Variants in BLOC1S3 observed in about 807,000 individuals in gnomAD.
The protein encoded by BLOC1S3 is biogenesis of lysosome-related organelles complex 1 subunit 3.
Under a neutral mutation model 9.1 loss-of-function variants are expected in BLOC1S3, and 7 were observed. That is an observed-to-expected ratio of 0.77 (90% confidence interval 0.44 to 1.45). The LOEUF (loss-of-function observed/expected upper bound fraction) is 1.45, where lower values mean the gene tolerates loss of function less well. Among genes scored for constraint, BLOC1S3 ranks in the 40% most tolerant of loss-of-function variants. The pLI, the probability that BLOC1S3 is intolerant of heterozygous loss-of-function variation, is 0.01. For missense variants in BLOC1S3, 307 were observed against 315.2 expected (o/e 0.97, Z 0.20); for synonymous variants, 145 against 158.4 (o/e 0.92, Z 0.64).
chr19:45,214,283 C>T (rs927457022), intron 3 of BLOC1S3, among the ~76,000 whole-genome samples: 2 of 152,106 alleles, frequency 1.3e-5, no homozygotes, highest in Admixed American at 6.6e-5. Context: ...CCCGCTCATG[C>T]CTCACTCCTT....
rs1048308164 is a variant in BLOC1S3 at position 45,180,765 on chromosome 19, C to T, written c.*860C>T. 1 of 166,854 alleles carries T rather than the reference C, an allele frequency of 6.0e-6. No homozygotes were observed. The highest frequency in any genetic ancestry group is 2.1e-4 in the South Asian group (1 of 4,856). The allele number at this position is 166,854 out of a possible 1,614,324, so 10.3% of individuals were successfully genotyped here. A position where few individuals can be genotyped will look rare whatever the true frequency, so the allele number is the denominator to read the frequency against. On this transcript the variant is annotated 3_prime_UTR_variant, in exon 2 of 2. Coordinates refer to ENST00000433642, the MANE Select transcript of BLOC1S3 (RefSeq NM_212550.5). ...TTTTAGAGACAGGGTCTCACTGTGT[C>T]TCCCAGGCTGGAGTACAGTGGCGTG...
In BLOC1S3 at chr19:45,180,811, C is replaced by T. The variant is rs1441822460; in HGVS notation, c.*906C>T. ...GCGTGATCTCGGCTCACTGCCACCT[C>T]CACCTCCCGAGTTCAAGCGATTCTC... On this transcript the variant is annotated 3_prime_UTR_variant, in exon 2 of 2. Coordinates refer to ENST00000433642, the MANE Select transcript of BLOC1S3 (RefSeq NM_212550.5). 6.1e-6 allele frequency: 1 copy of T among 163,078 alleles called. No individual in the cohort carries two copies. The highest frequency in any genetic ancestry group is 1.5e-5 in the Non-Finnish European group (1 of 68,566). The allele number at this position is 163,078 out of a possible 1,614,324, so 10.1% of individuals were successfully genotyped here. A position where few individuals can be genotyped will look rare whatever the true frequency, so the allele number is the denominator to read the frequency against.
At chr19:45,204,734 ATT>A (rs60665260) in intron 3 of BLOC1S3, among the ~76,000 whole-genome samples, 4 of 147,240 alleles carry the variant, frequency 2.7e-5, no homozygotes, top group African/African-American at 9.9e-5. Flanking sequence ...GATATTCAGA[ATT>A]TTTTTTTTTT....
At chr19:45,193,130 CTCAAAAAAAAAA>C (rs1969619141) in intron 2 of BLOC1S3, among the ~76,000 whole-genome samples, 1 of 40,684 alleles carries the variant, frequency 2.5e-5, no homozygotes, top group Admixed American at 3.7e-4. Flanking sequence ...AAAACTCCGT[CTCAAAAAAAAAA>C]AAAAAAAAAA....
chr19:45,190,388 T>C (rs1969595638), intron 2 of BLOC1S3, among the ~76,000 whole-genome samples: 1 of 151,604 alleles, frequency 6.6e-6, no homozygotes, highest in Non-Finnish European at 1.5e-5. Flanking sequence ...CCCACCCATA[T>C]ATATAGTTTT....
chr19:45,181,965 G>A (rs564602731), downstream of BLOC1S3, among the ~76,000 whole-genome samples: 16 of 152,190 alleles, frequency 1.1e-4, no homozygotes, highest in East Asian at 3.9e-4. Context: ...GTATTTACTC[G>A]TATTTTATTA....
intron 3 of BLOC1S3, chr19:45,215,940 C>T: frequency 7.7e-7 from 1 of 1,298,676 alleles, no homozygotes; most frequent in Non-Finnish European, 1.0e-6. Flanking sequence ...GCCCTGGTTC[C>T]AGCAGGAAAC....
chr19:45,183,475 CAAAA>C (rs56825766), downstream of BLOC1S3, among the ~76,000 whole-genome samples: 3 of 130,248 alleles, frequency 2.3e-5, no homozygotes, highest in African/African-American at 8.4e-5. Context: ...GACTCTGTCT[CAAAA>C]AAAAAAAAAA....
chr19:45,209,910 T>C (rs2122940237), intron 3 of BLOC1S3, among the ~76,000 whole-genome samples: 1 of 151,620 alleles, frequency 6.6e-6, no homozygotes, highest in South Asian at 2.1e-4. Context: ...TTTTGTATTT[T>C]TAGTAAAGAT....
At chr19:45,206,622 A>T (rs1356826282) in intron 3 of BLOC1S3, among the ~76,000 whole-genome samples, 1 of 118,880 alleles carries the variant, frequency 8.4e-6, no homozygotes, top group Non-Finnish European at 1.6e-5. Flanking sequence ...CACCTAGTTA[A>T]ATTTTTTTTT....
chr19:45,180,080 C>G lies in BLOC1S3; in HGVS notation c.*175C>G, dbSNP rs1017701626. The G allele has an allele frequency of 2.9e-6, 2 of 686,688 alleles. No homozygotes were observed. Among genetic ancestry groups the G allele is most frequent in the African/African-American group, 3.9e-5 (2 of 51,880 alleles). The allele number at this position is 686,688 out of a possible 1,614,324, so 42.5% of individuals were successfully genotyped here. A position where few individuals can be genotyped will look rare whatever the true frequency, so the allele number is the denominator to read the frequency against. ...ATGCTTTATATTGGATATAGTTCAA[C>G]CCCTACTGCGGAGACCAGGGCCCCA... On this transcript the variant is annotated 3_prime_UTR_variant, in exon 2 of 2. Transcript: ENST00000433642.
rs1305165933 is a variant in BLOC1S3, at chr19:45,180,051, G to C, written c.*146G>C. 2.3e-6 allele frequency: 2 copies of C among 878,040 alleles called. No individual in the cohort carries two copies. The highest frequency in any genetic ancestry group is 6.0e-5 in the East Asian group (2 of 33,078). 54.4% of individuals were successfully genotyped at this position (878,040 alleles called of 1,614,324 possible). A position where few individuals can be genotyped will look rare whatever the true frequency, so the allele number is the denominator to read the frequency against. Reference sequence around the variant, plus strand: ...CATGGGGGCTAATCCGGTCCCCTTGGATAATGCTTTATATTGGATATAGTT... The same window carrying C: ...CATGGGGGCTAATCCGGTCCCCTTGCATAATGCTTTATATTGGATATAGTT... On this transcript the variant is annotated 3_prime_UTR_variant, in exon 2 of 2. Transcript: ENST00000433642.
chr19:45,179,166 C>A lies in BLOC1S3; in HGVS notation c.-9-122C>A. 4 of 1,145,192 alleles carry A rather than the reference C, an allele frequency of 3.5e-6. No individual in the cohort carries two copies. Among genetic ancestry groups the A allele is most frequent in the Non-Finnish European group, 4.6e-6 (4 of 864,898 alleles). 70.9% of individuals were successfully genotyped at this position (1,145,192 alleles called of 1,614,324 possible). ...ACAGAAGAGGAAACTGAGGCCCAGA[C>A]GGGGAGCAGCTGACACCAAGTCGTT... On this transcript the variant is annotated intron_variant, in intron 1 of 1. Coordinates refer to ENST00000433642, the MANE Select transcript of BLOC1S3 (RefSeq NM_212550.5). This position sits in a 1 kb window ranked among gnomAD's most constrained non-coding sequence, Gnocchi z 4.6.
At chr19:45,184,903 C>CAAACAAAAAAAAAAAAAAAAAAA (rs1334862577), downstream of BLOC1S3, among the ~76,000 whole-genome samples, 1 of 48,278 alleles carries the variant, frequency 2.1e-5, no homozygotes, top group African/African-American at 7.1e-5. Flanking sequence ...CTGTCTCAAA[C>CAAACAAAAAAAAAAAAAAAAAAA]AAAAAAAAAA....
chr19:45,214,745 G>A (rs960834937), intron 3 of BLOC1S3, among the ~76,000 whole-genome samples: 14 of 151,918 alleles, frequency 9.2e-5, no homozygotes, highest in African/African-American at 2.9e-4. Flanking sequence ...GATTACAAGC[G>A]TGAGCCACCA....
intron 3 of BLOC1S3, among the ~76,000 whole-genome samples, chr19:45,210,657 G>T (rs573393284): frequency 6.6e-6 from 1 of 150,732 alleles, no homozygotes; most frequent in African/African-American, 2.4e-5. Context: ...AGGCTACAAC[G>T]CAGAGGCACA....
At chr19:45,207,122 C>A (rs1307433821) in intron 3 of BLOC1S3, among the ~76,000 whole-genome samples, 1 of 151,412 alleles carries the variant, frequency 6.6e-6, no homozygotes, top group Non-Finnish European at 1.5e-5. Flanking sequence ...CAGGTGTAAG[C>A]CACCGCGCCC....
rs933010449 is a variant in BLOC1S3, at chr19:45,180,565, C to G, written c.*660C>G. On this transcript the variant is annotated 3_prime_UTR_variant, in exon 2 of 2. Coordinates refer to ENST00000433642, the MANE Select transcript of BLOC1S3 (RefSeq NM_212550.5). ...GAGCCACCACACACTGGGCTCTGCT[C>G]TGCCTTTCTGAGTTTGGTTTCTGCT... The G allele has an allele frequency of 1.2e-5, 2 of 166,672 alleles. No individual in the cohort carries two copies. Among genetic ancestry groups the G allele is most frequent in the Middle Eastern group, 3.4e-3 (1 of 298 alleles). The allele number at this position is 166,672 out of a possible 1,614,324, so 10.3% of individuals were successfully genotyped here. A position where few individuals can be genotyped will look rare whatever the true frequency, so the allele number is the denominator to read the frequency against.
rs1432847647 is a variant in BLOC1S3, at chr19:45,179,620, C to T, written c.324C>T (p.Leu108=). 2 of 1,475,180 alleles carry T rather than the reference C, an allele frequency of 1.4e-6. No individual in the cohort carries two copies. Among genetic ancestry groups the T allele is most frequent in the African/African-American group, 2.9e-5 (2 of 68,244 alleles). 91.4% of individuals were successfully genotyped at this position (1,475,180 alleles called of 1,614,324 possible). The change falls in exon 2 of 2, where the codon CTC becomes CTT. Residue 108 remains leucine (L), a synonymous_variant. Transcript: ENST00000433642. This position sits in a 1 kb window ranked among gnomAD's most constrained non-coding sequence, Gnocchi z 4.6. The part of the protein sequence containing the change: ...EAPAPAPARS[L]LQLRLAESQA... ...CGGCGCCCGCCCCCGCGCGCTCGCT[C>T]CTGCAACTTCGGCTGGCGGAGAGCC...
Sources: gnomAD v4.1 joint callset for allele counts (sites outside exome capture counted in the v4.1 genomes callset) on GRCh38, gnomAD v4.1.1 for gene constraint, Gnocchi (gnomAD v3.1) non-coding constraint, MANE v1.5 for transcripts, NCBI Gene and HGNC (gene_info 2026-07-23, HGNC 2026-07-21) for gene names.